Variants in TRMT2A observed in about 807,000 individuals in gnomAD.
TRMT2A encodes tRNA (uracil-5-)-methyltransferase homolog A.
TRMT2A carries 60 observed loss-of-function variants against 59.3 expected under a neutral mutation model. The ratio of observed to expected loss-of-function variants is 1.01; its 90% CI spans 0.82 to 1.26. The LOEUF is 1.26. Ranked by LOEUF, TRMT2A falls within the 50% of genes most tolerant of loss-of-function variation. TRMT2A has a pLI of 0.00. For synonymous variants in TRMT2A, 403 were observed against 353.7 expected (o/e 1.14, Z -1.56); for missense variants, 863 against 845.2 (o/e 1.02, Z -0.26).
rs2049983378 is a variant in TRMT2A, at chr22:20,115,507, T to C, written c.709-60A>G. The C allele has an allele frequency of 5.1e-6, 8 of 1,579,020 alleles. No individual in the cohort carries two copies. The East Asian group carries it at 1.8e-4, about 36-fold the overall frequency. ...GCCCAGCGCTTGGGCCTGGAAACCC[T>C]GATTTCCCCACAGGGGCTGGCAGTC... is the stretch of plus-strand genomic sequence containing the variant. On this transcript the variant is annotated intron_variant, in intron 3 of 11. Coordinates refer to ENST00000252136, the MANE Select transcript of TRMT2A (RefSeq NM_022727.6).
At chr22:20,115,154 C>T in intron 4 of TRMT2A, 75 bp from the exon 5 acceptor site, 2 of 1,563,086 alleles carry the variant, frequency 1.3e-6, no homozygotes, top group East Asian at 2.3e-5. Context: ...CTGGCCACAC[C>T]TTCCTTCATC....
Position 20,116,369 on chromosome 22 carries a change from G to A in TRMT2A, c.268C>T (p.Arg90Trp), listed in dbSNP as rs150008185. The change falls in exon 2 of 12, where the codon CGG (arginine) becomes TGG (tryptophan). Residue 90 changes from arginine to tryptophan, a missense_variant. Coordinates refer to ENST00000252136, the MANE Select transcript of TRMT2A (RefSeq NM_022727.6). ...VPRHASFSDV[R>W]RFLGRFGLQP... is the part of the protein sequence containing the mutation. ...AGACCAAAGCGGCCCAGGAAGCGCC[G>A]GACGTCGCTGAAGCTGGCGTGGCGA... 8.1e-6 allele frequency: 13 copies of A among 1,612,446 alleles called. No homozygotes were observed. The highest frequency in any genetic ancestry group is 1.7e-5 in the Admixed American group (1 of 60,014).
Position 20,115,278 on chromosome 22 carries a change from T to C in TRMT2A, c.878A>G (p.Gln293Arg). The C allele has an allele frequency of 6.2e-7, 1 of 1,612,142 alleles. No homozygotes were observed. Among genetic ancestry groups the C allele is most frequent in the Non-Finnish European group, 8.5e-7 (1 of 1,179,318 alleles). The change falls in exon 4 of 12, where the codon CAG (glutamine) becomes CGG (arginine). Residue 293 changes from glutamine to arginine, a missense_variant. Transcript: ENST00000252136. ...EATKQVVKAFQEFIRSTPYSA... is the reference protein window; with the variant it reads ...EATKQVVKAFREFIRSTPYSA... ...CACAGGTCCTCACCGGATGAACTCC[T>C]GGAAGGCCTTCACCACCTGCTTGGT...
At position 20,112,231 on chromosome 22, in the gene TRMT2A, C is replaced by G. The variant is rs576687124; in HGVS notation, c.*332G>C. The G allele has an allele frequency of 2.9e-4, 109 of 379,070 alleles. No individual in the cohort carries two copies. Among genetic ancestry groups the G allele is most frequent in the African/African-American group, 2.2e-3 (106 of 48,932 alleles). 23.5% of individuals were successfully genotyped at this position (379,070 alleles called of 1,614,324 possible). A position where few individuals can be genotyped will look rare whatever the true frequency, so the allele number is the denominator to read the frequency against. On this transcript the variant is annotated 3_prime_UTR_variant, in exon 12 of 12. Coordinates refer to ENST00000252136, the MANE Select transcript of TRMT2A (RefSeq NM_022727.6). ...AGAGAGGCTTGCAGAGCTGCCTAGGCCTAGTTTGGCCCTTTCCCTGGCACC... is the reference window on the plus strand; with the variant it reads ...AGAGAGGCTTGCAGAGCTGCCTAGGGCTAGTTTGGCCCTTTCCCTGGCACC...
At chr22:20,115,931 G>A in intron 2 of TRMT2A, 107 bp downstream of exon 2, 1 of 1,427,960 alleles carries the variant, frequency 7.0e-7, no homozygotes. Flanking sequence ...CTCCCAAAGG[G>A]GCCGCCAGAT....
Position 20,116,116 on chromosome 22 carries a change from G to A in TRMT2A, c.521C>T (p.Pro174Leu), listed in dbSNP as rs765718131. Residue 174 changes from proline to leucine, a missense_variant, in exon 2 of 12, where the codon CCT (proline) becomes CTT (leucine). Coordinates refer to ENST00000252136, the MANE Select transcript of TRMT2A (RefSeq NM_022727.6). Reference sequence around the variant, plus strand: ...CTCAGCATAGGGCACTGTCCATAGAGGGGTCACCACGTCGGCCACTCGTGT... The same window carrying A: ...CTCAGCATAGGGCACTGTCCATAGAAGGGTCACCACGTCGGCCACTCGTGT... Reference protein sequence around the residue: ...PVTRVADVVTPLWTVPYAEQL... With the variant: ...PVTRVADVVTLLWTVPYAEQL... 1.9e-6 allele frequency: 3 copies of A among 1,612,390 alleles called. No individual in the cohort carries two copies. Among genetic ancestry groups the A allele is most frequent in the South Asian group, 1.1e-5 (1 of 91,010 alleles).
In TRMT2A at chr22:20,115,018, C is replaced by G; in HGVS notation, c.952G>C (p.Val318Leu). 1 of 1,600,146 alleles carries G rather than the reference C, an allele frequency of 6.2e-7. No homozygotes were observed. Among genetic ancestry groups the G allele is most frequent in the African/African-American group, 1.3e-5 (1 of 74,956 alleles). Residue 318 changes from valine to leucine, a missense_variant, in exon 5 of 12, where the codon GTG becomes CTG. Coordinates refer to ENST00000252136, the MANE Select transcript of TRMT2A (RefSeq NM_022727.6). ...TYTGHWKQLT[V>L]RTSRRHQAMA... Reference sequence around the variant, plus strand: ...GCCTGGTGGCGGCGGCTGGTGCGCACAGTCAGCTGCTTCCAGTGGCCTGTG... The same window carrying G: ...GCCTGGTGGCGGCGGCTGGTGCGCAGAGTCAGCTGCTTCCAGTGGCCTGTG...
rs61737482 is a variant in TRMT2A, at chr22:20,116,578, C to T, written c.59G>A (p.Ser20Asn). Residue 20 changes from serine (S) to asparagine (N), a missense_variant, in exon 2 of 12, where the codon AGC (serine) becomes AAC (asparagine). Transcript: ENST00000252136. ...PKPMESCGQE[S>N]SSALSCPTVS... is the part of the protein sequence containing the mutation. ...GGTAGGGCAGCTCAGGGCACTGCTG[C>T]TCTCCTGGCCACAGCTCTCCATGGG... 811 of 1,565,094 alleles carry T rather than the reference C, an allele frequency of 5.2e-4. 5 individuals carry two copies. The African/African-American group carries it at 9.7e-3, about 19-fold the overall frequency.
At position 20,115,435 on chromosome 22, in the gene TRMT2A, T is replaced by G. The variant is rs1343770140; in HGVS notation, c.721A>C (p.Asn241His). Residue 241 changes from asparagine (N) to histidine (H), a missense_variant, in exon 4 of 12, where the codon AAT (asparagine) becomes CAT (histidine). By Grantham distance (68) the Asn-to-His change is moderately conservative (BLOSUM62 1). Coordinates refer to ENST00000252136, the MANE Select transcript of TRMT2A (RefSeq NM_022727.6). ...ACGCCAACCAGAAACTCACACTTAT[T>G]ACGATACTCAGTCTGCAGGGAGAGA... ...RPSPQQTEYR[N>H]KCEFLVGVGV... is the part of the protein sequence containing the mutation. 2 of 1,608,976 alleles carry G rather than the reference T, an allele frequency of 1.2e-6. No homozygotes were observed. Among genetic ancestry groups the G allele is most frequent in the Admixed American group, 1.7e-5 (1 of 59,920 alleles).
chr22:20,116,741 T>A, intron 1 of TRMT2A, 129 bp from the exon 2 acceptor site: 1 of 1,369,670 alleles, frequency 7.3e-7, no homozygotes, highest in Non-Finnish European at 1.0e-6. Flanking sequence ...TCCCCCAGTC[T>A]ACCCTCCCGA....
In TRMT2A at chr22:20,115,155, T is replaced by A. The variant is rs2049971762; in HGVS notation, c.891-76A>T. On this transcript the variant is annotated intron_variant, in intron 4 of 11. Transcript: ENST00000252136. ...CCCTGCTCTCTCCTCTGGCCACACC[T>A]TCCTTCATCTGGCTGAAATGGCAGG... 5.1e-6 allele frequency: 8 copies of A among 1,563,890 alleles called. No homozygotes were observed. The Admixed American group carries it at 1.4e-4, about 28-fold the overall frequency.
In TRMT2A at chr22:20,116,322, G is replaced by A. The variant is rs41281431; in HGVS notation, c.315C>T (p.Leu105=). The A allele has an allele frequency of 2.4e-4, 395 of 1,612,992 alleles. No homozygotes were observed. The highest frequency in any genetic ancestry group is 2.8e-4 in the Non-Finnish European group (336 of 1,180,026). Residue 105 remains leucine, a synonymous_variant, in exon 2 of 12, where the codon CTC becomes CTT. Transcript: ENST00000252136. ...RFGLQPHKTK[L]FGQPPCAFVT... ...CAAAGGCGCAGGGTGGTTGCCCAAA[G>A]AGTTTGGTTTTGTGGGGCTGCAGAC...
chr22:20,115,283 G>A lies in TRMT2A; in HGVS notation c.873C>T (p.Ala291=), dbSNP rs777622292. The A allele has an allele frequency of 3.5e-5, 56 of 1,612,190 alleles. No homozygotes were observed. Among genetic ancestry groups the A allele is most frequent in the Non-Finnish European group, 4.7e-5 (55 of 1,179,410 alleles). ...IPEATKQVVK[A]FQEFIRSTPY... ...GTCCTCACCGGATGAACTCCTGGAAGGCCTTCACCACCTGCTTGGTGGCTT... is the reference window on the plus strand; with the variant it reads ...GTCCTCACCGGATGAACTCCTGGAAAGCCTTCACCACCTGCTTGGTGGCTT... Residue 291 remains alanine, a synonymous_variant, in exon 4 of 12, where the codon GCC becomes GCT. Coordinates refer to ENST00000252136, the MANE Select transcript of TRMT2A (RefSeq NM_022727.6).
rs541142504 is a variant in TRMT2A at position 20,117,063 on chromosome 22, C to G, written c.-157G>C. ...GCAACGCCGCGAGGTCGCCGCCACC[C>G]CCGGCTTCGCCCCAGGCGGGGCGGG... On this transcript the variant is annotated 5_prime_UTR_variant, in exon 1 of 12. Coordinates refer to ENST00000252136, the MANE Select transcript of TRMT2A (RefSeq NM_022727.6). The G allele has an allele frequency of 3.2e-6, 3 of 941,710 alleles. No individual in the cohort carries two copies. In the African/African-American group the frequency reaches 4.9e-5, roughly 15 times the overall value. The allele number at this position is 941,710 out of a possible 1,614,324, so 58.3% of individuals were successfully genotyped here.
rs766397991 is a variant in TRMT2A at position 20,115,605 on chromosome 22, G to A, written c.708+67C>T. Reference sequence around the variant, plus strand: ...ACAAAGCAGGGAGATCAACAGGAAGGGTGAGCAAAAGCAAAGTTTTTCAAA... The same window carrying A: ...ACAAAGCAGGGAGATCAACAGGAAGAGTGAGCAAAAGCAAAGTTTTTCAAA... On this transcript the variant is annotated intron_variant, in intron 3 of 11. Transcript: ENST00000252136. The A allele has an allele frequency of 1.3e-5, 21 of 1,584,570 alleles. No homozygotes were observed. In the African/African-American group the frequency reaches 1.9e-4, roughly 14 times the overall value.
At position 20,113,666 on chromosome 22, in the gene TRMT2A, A is replaced by G. The variant is rs369360009; in HGVS notation, c.1356+20T>C. On this transcript the variant is annotated intron_variant, in intron 8 of 11. Transcript: ENST00000252136. ...CTTGGGGTGGGGAGAGGGTGCCCTC[A>G]GCAGGGCAGGAGGGCTCACCCGGGC... 33 of 1,591,348 alleles carry G rather than the reference A, an allele frequency of 2.1e-5. No homozygotes were observed. Among genetic ancestry groups the G allele is most frequent in the Non-Finnish European group, 2.6e-5 (30 of 1,168,052 alleles).
At chr22:20,115,135 C>T in intron 4 of TRMT2A, 56 bp from the exon 5 acceptor site, 1 of 1,562,284 alleles carries the variant, frequency 6.4e-7, no homozygotes, top group South Asian at 1.2e-5. Flanking sequence ...AGTCCCCCTG[C>T]TCTCTCCTCT....
chr22:20,116,940 C>T lies in TRMT2A; in HGVS notation c.-34G>A, dbSNP rs1272768085. On this transcript the variant is annotated 5_prime_UTR_variant, in exon 1 of 12. Coordinates refer to ENST00000252136, the MANE Select transcript of TRMT2A (RefSeq NM_022727.6). ...CGGTTCTCCGCCTAGACCAGGGACG[C>T]CATGGGGGCCGCCTGGCCACCTCGT... 6.3e-7 allele frequency: 1 copy of T among 1,578,672 alleles called. No homozygotes were observed. Among genetic ancestry groups the T allele is most frequent in the East Asian group, 2.3e-5 (1 of 42,926 alleles).
At position 20,114,591 on chromosome 22, in the gene TRMT2A, G is replaced by C. The variant is rs1432977225; in HGVS notation, c.1216C>G (p.Pro406Ala). ...ATGGCTACCTGGAAGAAGGCGTGTG[G>C]AGAGATCCGGAAGGTCAGCCCTAGC... is the stretch of plus-strand genomic sequence containing the variant. ...DLLGLTFRISPHAFFQVNTPA... is the reference protein window; with the variant it reads ...DLLGLTFRISAHAFFQVNTPA... The change falls in exon 7 of 12, where the codon CCA (proline) becomes GCA (alanine). Residue 406 changes from proline (P) to alanine (A), a missense_variant. Physicochemically the swap from Pro to Ala is conservative, Grantham distance 27. Coordinates refer to ENST00000252136, the MANE Select transcript of TRMT2A (RefSeq NM_022727.6). The C allele has an allele frequency of 6.2e-6, 10 of 1,613,594 alleles. No individual in the cohort carries two copies. The highest frequency in any genetic ancestry group is 8.5e-6 in the Non-Finnish European group (10 of 1,179,956).
Sources: gnomAD v4.1 joint callset for allele counts on GRCh38, gnomAD v4.1.1 for gene constraint, MANE v1.5 for transcripts, NCBI Gene and HGNC (gene_info 2026-07-23, HGNC 2026-07-21) for gene names.